RGS7: variants seen among roughly 807,000 people sequenced by gnomAD.
The protein encoded by RGS7 is regulator of G protein signaling 7.
A neutral mutation model predicts 81.1 loss-of-function variants in RGS7; 27 were observed. That is an observed-to-expected ratio of 0.33 (90% CI 0.25 to 0.46). The LOEUF (loss-of-function observed/expected upper bound fraction) is 0.46, where lower values mean the gene tolerates loss of function less well. RGS7 is among the 20% of genes least tolerant of loss of function. The pLI, the probability that RGS7 is intolerant of heterozygous loss-of-function variation, is 1.00. For missense variants in RGS7, 396 were observed against 607.4 expected (o/e 0.65, Z 3.66); for synonymous variants, 208 against 207.7 (o/e 1.00, Z -0.01).
At chr1:241,051,569 C>G (rs1289339393) in intron 3 of RGS7, among the ~76,000 whole-genome samples, 2 of 152,088 alleles carry the variant, frequency 1.3e-5, no homozygotes. Flanking sequence ...CCCCCCAACC[C>G]ACCCCATCAC....
chr1:240,951,126 C>T (rs1679490335), intron 4 of RGS7, among the ~76,000 whole-genome samples: 1 of 152,116 alleles, frequency 6.6e-6, no homozygotes, highest in Non-Finnish European at 1.5e-5. Flanking sequence ...CACCACATTG[C>T]CCAGTCTGGT....
At chr1:241,039,320 A>G (rs2060486819) in intron 3 of RGS7, among the ~76,000 whole-genome samples, 1 of 152,142 alleles carries the variant, frequency 6.6e-6, no homozygotes, top group South Asian at 2.1e-4. Flanking sequence ...GAGGGTAACT[A>G]ACTGGTCCTT....
intron 6 of RGS7, among the ~76,000 whole-genome samples, chr1:240,915,061 T>C (rs1672374901): frequency 6.6e-6 from 1 of 152,228 alleles, no homozygotes; most frequent in South Asian, 2.1e-4. Flanking sequence ...GGAGCCCTAC[T>C]AGGTTTGCAC....
Position 241,076,143 on chromosome 1 carries a change from G to A in RGS7, c.175+22523C>T, listed in dbSNP as rs187583569. On this transcript the variant is annotated intron_variant, in intron 3 of 18. Coordinates refer to ENST00000440928, the MANE Select transcript of RGS7 (RefSeq NM_001364886.1). ...AGGCCATGGAGCATGAGAGTGAGCT[G>A]TACCTGGCATGATGTATGCAACGTG... Among the ~76,000 whole-genome samples, 572 of 152,186 alleles carry A rather than the reference G, an allele frequency of 3.8e-3. 2 individuals are homozygous for A. Among genetic ancestry groups the A allele is most frequent in the African/African-American group, 0.013 (529 of 41,552 alleles).
At chr1:240,866,117 A>T (rs1378366653) in intron 9 of RGS7, among the ~76,000 whole-genome samples, 1 of 152,248 alleles carries the variant, frequency 6.6e-6, no homozygotes, top group Non-Finnish European at 1.5e-5. Context: ...ACAGGAAGTT[A>T]TAATGTTAAG....
intron 18 of RGS7, among the ~76,000 whole-genome samples, chr1:240,794,734 A>G (rs1228547800): frequency 6.6e-6 from 1 of 152,226 alleles, no homozygotes; most frequent in East Asian, 1.9e-4. Context: ...CCCTGGCTCC[A>G]TAGCTGGGCT....
chr1:241,195,092 TG>T (rs1223084167), intron 2 of RGS7, among the ~76,000 whole-genome samples: 2 of 152,224 alleles, frequency 1.3e-5, no homozygotes, highest in African/African-American at 4.8e-5. Flanking sequence ...AAGTCCCACC[TG>T]GAGAAAAACA....
At position 241,044,800 on chromosome 1, in the gene RGS7, G is replaced by A. The variant is rs550723556; in HGVS notation, c.175+53866C>T. 8.0e-4 allele frequency among the ~76,000 whole-genome samples: 121 copies of A among 152,076 alleles called. 1 individual carries two copies. Among genetic ancestry groups the A allele is most frequent in the Admixed American group, 7.6e-3 (116 of 15,272 alleles). The stretch of plus-strand genomic sequence containing the variant: ...GATCCATAAGCTTGATATTTATTTC[G>A]TGCCTCCATATCTATAATCTTCTCC... On this transcript the variant is annotated intron_variant, in intron 3 of 18. Transcript: ENST00000440928.
At chr1:241,223,696 T>C (rs1265061223) in intron 2 of RGS7, among the ~76,000 whole-genome samples, 1 of 144,524 alleles carries the variant, frequency 6.9e-6, no homozygotes, top group Non-Finnish European at 1.5e-5. Flanking sequence ...ATCAGGATCA[T>C]AAATTAGACA....
At chr1:240,790,218 T>G (rs1685750656) in intron 18 of RGS7, among the ~76,000 whole-genome samples, 1 of 151,840 alleles carries the variant, frequency 6.6e-6, no homozygotes, top group African/African-American at 2.4e-5. Flanking sequence ...GGTAACAGAC[T>G]GAGACTCTGT....
chr1:240,985,470 A>C (rs1053247193), intron 3 of RGS7, among the ~76,000 whole-genome samples: 1 of 152,198 alleles, frequency 6.6e-6, no homozygotes, highest in Admixed American at 6.5e-5. Context: ...AAGAAATACA[A>C]AGAAGCCTAA....
chr1:241,093,362 T>G (rs2064016222), intron 3 of RGS7, among the ~76,000 whole-genome samples: 1 of 152,212 alleles, frequency 6.6e-6, no homozygotes, highest in Non-Finnish European at 1.5e-5. Context: ...CTTACCTTGG[T>G]TCCTCGTACA....
chr1:241,162,489 A>C (rs937486879), intron 2 of RGS7, among the ~76,000 whole-genome samples: 1 of 152,220 alleles, frequency 6.6e-6, no homozygotes, highest in Non-Finnish European at 1.5e-5. Context: ...AACCCTGCCA[A>C]GGTATAAAAC....
At chr1:241,178,308 T>G (rs2071321437) in intron 2 of RGS7, among the ~76,000 whole-genome samples, 2 of 151,414 alleles carry the variant, frequency 1.3e-5, no homozygotes, top group South Asian at 4.2e-4. Flanking sequence ...AATGAAAAAG[T>G]AAAAAAGAAA....
chr1:240,933,081 A>G (rs1210665819), intron 5 of RGS7, among the ~76,000 whole-genome samples: 1 of 148,406 alleles, frequency 6.7e-6, no homozygotes, highest in Non-Finnish European at 1.5e-5. Flanking sequence ...ACGGGGTTTC[A>G]CCGTGTTAGC....
chr1:241,355,663 G>C, intron 2 of RGS7, 36 bp downstream of exon 2: 1 of 1,587,414 alleles, frequency 6.3e-7, no homozygotes, highest in African/African-American at 1.3e-5. Flanking sequence ...AAAGCCGGAA[G>C]TTTCCCGTTT....
intron 2 of RGS7, among the ~76,000 whole-genome samples, chr1:241,288,264 T>C (rs1451211216): frequency 6.6e-6 from 1 of 152,202 alleles, no homozygotes; most frequent in African/African-American, 2.4e-5. Context: ...ACGTGAAACA[T>C]GGGCTAAGTG....
intron 2 of RGS7, among the ~76,000 whole-genome samples, chr1:241,245,948 C>CA (rs1177241788): frequency 1.2e-4 from 18 of 148,698 alleles, no homozygotes; most frequent in Admixed American, 1.2e-3. Flanking sequence ...ACTAAAAACA[C>CA]AAAAAATTAG....
In RGS7 at chr1:240,868,069, G is replaced by T. The variant is rs893310569; in HGVS notation, c.609+518C>A. ...AAAGAAAGAAAGAAAGAAAAGAAGA[G>T]AAAAGAAAGAAAGAAAAAGAAAGAA... On this transcript the variant is annotated intron_variant, in intron 9 of 18. Transcript: ENST00000440928. The surrounding 1 kb of genome is among the most constrained non-coding windows in gnomAD (Gnocchi z 5.1). Among the ~76,000 whole-genome samples, 3 of 115,984 alleles carry T rather than the reference G, an allele frequency of 2.6e-5. No individual in the cohort carries two copies. The highest frequency in any genetic ancestry group is 5.6e-4 in the South Asian group (2 of 3,570). The allele number at this position is 115,984 out of a possible 152,430, so 76.1% of individuals were successfully genotyped here.
Sources: allele counts gnomAD v4.1 joint callset (sites outside exome capture counted in the v4.1 genomes callset), GRCh38; gene constraint gnomAD v4.1.1; non-coding constraint Gnocchi (gnomAD v3.1); transcripts MANE v1.5; gene names NCBI Gene and HGNC (gene_info 2026-07-23, HGNC 2026-07-21).